PCTP: variants seen among roughly 807,000 people sequenced by gnomAD.
PCTP encodes the protein phosphatidylcholine transfer protein.
In PCTP, 27 loss-of-function variants were observed where a neutral mutation model predicts 31.0. The observed-to-expected ratio is 0.87, with a 90% CI of 0.64 to 1.20. The LOEUF (loss-of-function observed/expected upper bound fraction) is 1.20, where lower values mean the gene tolerates loss of function less well. Ranked by LOEUF, PCTP falls within the 50% of genes most tolerant of loss-of-function variation. The probability of loss-of-function intolerance (pLI) is 0.00; values close to 1 mark genes in which losing one functional copy is unlikely to be tolerated. For synonymous variants in PCTP, 108 were observed against 101.2 expected (o/e 1.07, Z -0.40); for missense variants, 287 against 268.2 (o/e 1.07, Z -0.49).
intron 1 of PCTP, among the ~76,000 whole-genome samples, chr17:55,758,323 G>A (rs1431310547): frequency 6.6e-6 from 1 of 152,168 alleles, no homozygotes; most frequent in African/African-American, 2.4e-5. Context: ...GTTCTTCCCT[G>A]TGCTCTTGAC....
chr17:55,848,454 G>A, the PCTP span, among the ~76,000 whole-genome samples: 2 of 152,224 alleles, frequency 1.3e-5, no homozygotes, highest in Non-Finnish European at 2.9e-5. Flanking sequence ...ACCCTTACTA[G>A]GTCCAGAGGA....
At chr17:55,825,695 C>T (rs1427866199), downstream of PCTP, among the ~76,000 whole-genome samples, 1 of 152,218 alleles carries the variant, frequency 6.6e-6, no homozygotes, top group Non-Finnish European at 1.5e-5. Flanking sequence ...ACAATGAAAA[C>T]AGGTTTCTCT....
chr17:55,844,970 C>A (rs1472529262), downstream of PCTP, among the ~76,000 whole-genome samples: 2 of 150,764 alleles, frequency 1.3e-5, no homozygotes, highest in African/African-American at 4.9e-5. Flanking sequence ...ACCTGTAATC[C>A]CAGCTACTCG....
chr17:55,760,955 A>T (rs985890983), intron 1 of PCTP, among the ~76,000 whole-genome samples: 1 of 152,224 alleles, frequency 6.6e-6, no homozygotes, highest in Non-Finnish European at 1.5e-5. Flanking sequence ...ATCCTGTGTG[A>T]TGGGTCTTCT....
At chr17:55,781,036 G>A (rs1462059558), downstream of PCTP, among the ~76,000 whole-genome samples, 1 of 151,448 alleles carries the variant, frequency 6.6e-6, no homozygotes, top group African/African-American at 2.4e-5. Flanking sequence ...AAAAATAGCA[G>A]CTTTGCCTAT....
chr17:55,795,649 C>G (rs1050083971), intron 3 of PCTP, among the ~76,000 whole-genome samples: 1 of 151,990 alleles, frequency 6.6e-6, no homozygotes, highest in Non-Finnish European at 1.5e-5. Flanking sequence ...TTAAATGTGG[C>G]GTGATGCCTT....
At chr17:55,848,187 G>A in the PCTP span, among the ~76,000 whole-genome samples, 1,528 of 152,286 alleles carry the variant, frequency 0.01, 15 homozygotes, top group Non-Finnish European at 0.015. Context: ...TGAGATTACA[G>A]GCGTGAGCCA....
downstream of PCTP, among the ~76,000 whole-genome samples, chr17:55,845,242 A>G (rs1418140717): frequency 6.6e-6 from 1 of 152,128 alleles, no homozygotes; most frequent in Non-Finnish European, 1.5e-5. Context: ...CAGCTCAGCC[A>G]ATAGGTGTTT....
chr17:55,805,786 GTACCTATTAA>G (rs1912558175), intron 3 of PCTP, among the ~76,000 whole-genome samples: 2 of 151,808 alleles, frequency 1.3e-5, no homozygotes, highest in Non-Finnish European at 2.9e-5. Context: ...TCCTCATATT[GTACCTATTAA>G]ATCTTTTGGA....
chr17:55,790,119 A>C (rs1911904037), intron 3 of PCTP, among the ~76,000 whole-genome samples: 1 of 152,082 alleles, frequency 6.6e-6, no homozygotes, highest in African/African-American at 2.4e-5. Flanking sequence ...CATGCTAAAA[A>C]CTCTCAATAA....
At chr17:55,839,869 G>A (rs1407010120) in intron 5 of PCTP, among the ~76,000 whole-genome samples, 2 of 125,882 alleles carry the variant, frequency 1.6e-5, no homozygotes, top group Admixed American at 9.5e-5. Context: ...GCAGTGAGCC[G>A]AGATCCCGCC....
chr17:55,847,907 T>TTTTTTGTTTTTG, the PCTP span, among the ~76,000 whole-genome samples: 7 of 152,170 alleles, frequency 4.6e-5, 1 homozygote, highest in East Asian at 1.4e-3. Context: ...CAGAATAATG[T>TTTTTTGTTTTTG]TTTTTGTTTT....
chr17:55,756,333 G>A (rs534046931), intron 1 of PCTP, among the ~76,000 whole-genome samples: 2 of 152,294 alleles, frequency 1.3e-5, no homozygotes, highest in South Asian at 4.1e-4. Flanking sequence ...AGAAAATAAA[G>A]CGAGATAAAA....
At chr17:55,779,600 A>G (rs917687854), downstream of PCTP, among the ~76,000 whole-genome samples, 3 of 152,220 alleles carry the variant, frequency 2.0e-5, no homozygotes, top group Non-Finnish European at 4.4e-5. Flanking sequence ...TTGGGACTTT[A>G]TCCCAAGAGT....
chr17:55,817,980 GGGGAGA>G (rs529722802), intron 3 of PCTP, among the ~76,000 whole-genome samples: 82 of 152,316 alleles, frequency 5.4e-4, no homozygotes, highest in African/African-American at 1.9e-3. Flanking sequence ...ATTGGTCATA[GGGGAGA>G]GGGAGAGGGA....
chr17:55,786,337 G>A (rs1160261243), intron 2 of PCTP, among the ~76,000 whole-genome samples: 7 of 152,146 alleles, frequency 4.6e-5, no homozygotes, highest in African/African-American at 1.7e-4. Context: ...AGTAGAGCTT[G>A]TGTATACTCT....
chr17:55,800,191 C>G (rs1019059179), intron 3 of PCTP, among the ~76,000 whole-genome samples: 6 of 152,094 alleles, frequency 3.9e-5, no homozygotes, highest in African/African-American at 1.2e-4. Flanking sequence ...TCCATTCTCC[C>G]CATCACTTTC....
intron 3 of PCTP, among the ~76,000 whole-genome samples, chr17:55,811,527 C>T: frequency 6.6e-6 from 1 of 152,178 alleles, no homozygotes; most frequent in East Asian, 1.9e-4. Flanking sequence ...CTTCACTTTG[C>T]TCGGCTGCCA....
chr17:55,798,025 G>T (rs548503930), intron 3 of PCTP, among the ~76,000 whole-genome samples: 2 of 151,946 alleles, frequency 1.3e-5, no homozygotes, highest in South Asian at 2.1e-4. Context: ...AACTTTAGCT[G>T]GGAATCAGAC....
Sources: allele counts gnomAD v4.1 joint callset (sites outside exome capture counted in the v4.1 genomes callset), GRCh38; gene constraint gnomAD v4.1.1; transcripts MANE v1.5; gene names NCBI Gene and HGNC (gene_info 2026-07-23, HGNC 2026-07-21).